GMCL1: variants seen among roughly 807,000 people sequenced by gnomAD.
The protein encoded by GMCL1 is germ cell-less protein-like 1.
Under a neutral mutation model 75.5 loss-of-function variants are expected in GMCL1, and 54 were observed. The observed-to-expected ratio is 0.71, with a 90% CI of 0.57 to 0.90. The LOEUF (loss-of-function observed/expected upper bound fraction) is 0.90. Among genes scored for constraint, GMCL1 ranks in the 40% least tolerant of loss-of-function variants. The probability of loss-of-function intolerance (pLI) is 0.00; values close to 1 mark genes in which losing one functional copy is unlikely to be tolerated. For synonymous variants in GMCL1, 210 were observed against 209.6 expected, an observed-to-expected ratio of 1.00 and a Z score of -0.02; for missense variants, 537 against 622.7, an observed-to-expected ratio of 0.86 and a Z score of 1.47.
At chr2:69,836,425 G>A (rs1377730187) in intron 1 of GMCL1, among the ~76,000 whole-genome samples, 1 of 152,116 alleles carries the variant, frequency 6.6e-6, no homozygotes, top group African/African-American at 2.4e-5. Context: ...ATTGTCTCTT[G>A]ATTTCGCATC....
In GMCL1 at chr2:69,864,990, T is replaced by C; in HGVS notation, c.1218+15T>C. 6.3e-7 allele frequency: 1 copy of C among 1,580,892 alleles called. No homozygotes were observed. Among genetic ancestry groups the C allele is most frequent in the Non-Finnish European group, 8.7e-7 (1 of 1,150,220 alleles). On this transcript the variant is annotated intron_variant, in intron 11 of 13. Transcript: ENST00000282570. The stretch of plus-strand genomic sequence containing the variant: ...AAGATGGTGAAGTAAGTATGGGTTG[T>C]GACTGTTAATATTCTTATACAAATT...
intron 13 of GMCL1, among the ~76,000 whole-genome samples, chr2:69,872,804 A>G (rs1386287667): frequency 6.6e-6 from 1 of 152,238 alleles, no homozygotes; most frequent in Non-Finnish European, 1.5e-5. Flanking sequence ...CTGCAGCTGA[A>G]CAGACAATGA....
At chr2:69,851,666 G>C (rs1030647287) in intron 8 of GMCL1, among the ~76,000 whole-genome samples, 6 of 151,996 alleles carry the variant, frequency 3.9e-5, no homozygotes, top group African/African-American at 7.2e-5. Flanking sequence ...CCCAGCTACT[G>C]GGGGGAGGAT....
intron 11 of GMCL1, 30 bp from the exon 12 acceptor site, chr2:69,869,689 G>A: frequency 6.2e-7 from 1 of 1,603,434 alleles, no homozygotes; most frequent in Non-Finnish European, 8.5e-7. Context: ...ATGATAAACT[G>A]AAATAAGTCT....
intron 1 of GMCL1, among the ~76,000 whole-genome samples, chr2:69,831,835 T>A (rs894925955): frequency 6.6e-5 from 10 of 152,158 alleles, no homozygotes; most frequent in African/African-American, 2.4e-4. Context: ...CTGGAACTCC[T>A]GGGTTCAAGT....
At chr2:69,839,836 ATT>A (rs57110869) in intron 3 of GMCL1, among the ~76,000 whole-genome samples, 49 of 148,800 alleles carry the variant, frequency 3.3e-4, no homozygotes, top group African/African-American at 1.1e-3. Context: ...AAGTATGACC[ATT>A]TTTTTTTTTA....
intron 6 of GMCL1, among the ~76,000 whole-genome samples, chr2:69,847,195 C>T (rs1290821318): frequency 6.6e-6 from 1 of 151,880 alleles, no homozygotes; most frequent in African/African-American, 2.4e-5. Context: ...GGAAGACTGC[C>T]ATTTTATCAG....
chr2:69,858,830 C>T (rs992373094), intron 9 of GMCL1, among the ~76,000 whole-genome samples: 3 of 152,056 alleles, frequency 2.0e-5, no homozygotes, highest in African/African-American at 7.2e-5. Flanking sequence ...GGAGGTTATG[C>T]AAAAATTGTT....
rs372682084 is a variant in GMCL1, at chr2:69,881,203, A to G, written c.*2199A>G. The G allele has an allele frequency of 8.5e-5, 13 of 152,374 alleles. No individual in the cohort carries two copies. The highest frequency in any genetic ancestry group is 1.3e-4 in the Admixed American group (2 of 15,306). The allele number at this position is 152,374 out of a possible 1,614,324, so 9.4% of individuals were successfully genotyped here. Reference sequence around the variant, plus strand: ...CATAGACAGGATAATTCTTTCTTCAATCACAAGTAGGTTAATGTTCTTATT... The same window carrying G: ...CATAGACAGGATAATTCTTTCTTCAGTCACAAGTAGGTTAATGTTCTTATT... On this transcript the variant is annotated 3_prime_UTR_variant, in exon 14 of 14. Coordinates refer to ENST00000282570, the MANE Select transcript of GMCL1 (RefSeq NM_178439.5).
chr2:69,832,563 G>A (rs181500194), intron 1 of GMCL1, among the ~76,000 whole-genome samples: 49 of 152,314 alleles, frequency 3.2e-4, no homozygotes, highest in Non-Finnish European at 4.6e-4. Flanking sequence ...GGATTGTAGT[G>A]TATCCATCAG....
chr2:69,837,686 A>G lies in GMCL1; in HGVS notation c.384+16A>G, dbSNP rs1191880655. ...TTTATGTCAAGTAAGTATTTTTTCT[A>G]TTTGAGTAACAGGGTAGTCACTGAA... On this transcript the variant is annotated intron_variant, in intron 2 of 13. Coordinates refer to ENST00000282570, the MANE Select transcript of GMCL1 (RefSeq NM_178439.5). 2 of 1,591,818 alleles carry G rather than the reference A, an allele frequency of 1.3e-6. No individual in the cohort carries two copies. The highest frequency in any genetic ancestry group is 1.4e-5 in the African/African-American group (1 of 73,410).
At chr2:69,865,304 G>T (rs1414495026) in intron 11 of GMCL1, among the ~76,000 whole-genome samples, 1 of 152,224 alleles carries the variant, frequency 6.6e-6, no homozygotes, top group Non-Finnish European at 1.5e-5. Context: ...TGTTACAGTT[G>T]TCCTAAATCA....
chr2:69,874,950 G>A (rs565754673), intron 13 of GMCL1, among the ~76,000 whole-genome samples: 1 of 151,620 alleles, frequency 6.6e-6, no homozygotes, highest in Admixed American at 6.6e-5. Context: ...TTGCCACGTT[G>A]CCTGGGCTTG....
At chr2:69,847,009 T>G (rs1481539925) in intron 6 of GMCL1, among the ~76,000 whole-genome samples, 1 of 151,552 alleles carries the variant, frequency 6.6e-6, no homozygotes, top group African/African-American at 2.4e-5. Flanking sequence ...ATTTTTTTTT[T>G]TTTTTTTTTG....
At position 69,881,298 on chromosome 2, in the gene GMCL1, ATATTT is replaced by A. The variant is rs1676266857; in HGVS notation, c.*2296_*2300del. 6.6e-6 allele frequency: 1 copy of A among 152,198 alleles called. No individual in the cohort carries two copies. Among genetic ancestry groups the A allele is most frequent in the African/African-American group, 2.4e-5 (1 of 41,432 alleles). The allele number at this position is 152,198 out of a possible 1,614,324, so 9.4% of individuals were successfully genotyped here. On this transcript the variant is annotated 3_prime_UTR_variant, in exon 14 of 14. Transcript: ENST00000282570. ...AGATGTGCTTTTGTTTTCTTACCAA[ATATTT>A]TTATGTGTTTCCAGAGTTCTTTTCA...
intron 6 of GMCL1, among the ~76,000 whole-genome samples, chr2:69,847,030 GTCTC>G (rs1464394344): frequency 2.7e-5 from 4 of 150,180 alleles, no homozygotes; most frequent in African/African-American, 9.8e-5. Context: ...GTAGCACGAG[GTCTC>G]ACCATGTTGT....
In GMCL1 at chr2:69,829,744, G is replaced by A; in HGVS notation, c.-149G>A. 1 of 872,238 alleles carries A rather than the reference G, an allele frequency of 1.1e-6. No individual in the cohort carries two copies. Among genetic ancestry groups the A allele is most frequent in the Non-Finnish European group, 1.7e-6 (1 of 590,474 alleles). 54.0% of individuals were successfully genotyped at this position (872,238 alleles called of 1,614,324 possible). A position where few individuals can be genotyped will look rare whatever the true frequency, so the allele number is the denominator to read the frequency against. ...CGCTGCGGGCGGGGAAGAGGATGGAGACTGTGGCGTCCGCTGCAACGGTTG... is the reference window on the plus strand; with the variant it reads ...CGCTGCGGGCGGGGAAGAGGATGGAAACTGTGGCGTCCGCTGCAACGGTTG... On this transcript the variant is annotated 5_prime_UTR_variant, in exon 1 of 14. Coordinates refer to ENST00000282570, the MANE Select transcript of GMCL1 (RefSeq NM_178439.5).
At chr2:69,865,252 A>G (rs1041561383) in intron 11 of GMCL1, among the ~76,000 whole-genome samples, 2 of 152,246 alleles carry the variant, frequency 1.3e-5, no homozygotes, top group African/African-American at 4.8e-5. Context: ...GATAAAGAAG[A>G]AATTGTGAGG....
At chr2:69,869,903 A>C (rs757063858) in intron 12 of GMCL1, 39 bp downstream of exon 12, 16 of 1,589,056 alleles carry the variant, frequency 1.0e-5, no homozygotes, top group Non-Finnish European at 1.3e-5. Context: ...TCCTCACTCC[A>C]GAGAAAATAT....
Sources: gnomAD v4.1 joint callset for allele counts (sites outside exome capture counted in the v4.1 genomes callset) on GRCh38, gnomAD v4.1.1 for gene constraint, MANE v1.5 for transcripts, NCBI Gene and HGNC (gene_info 2026-07-23, HGNC 2026-07-21) for gene names.